The following RABGAP1L variants were observed in gnomAD, a reference collection of about 807,000 sequenced individuals.
The protein encoded by RABGAP1L is RAB GTPase activating protein 1 like.
In RABGAP1L, 63 loss-of-function variants were observed where a neutral mutation model predicts 137.7. The observed-to-expected ratio is 0.46, with a 90% CI of 0.37 to 0.56. The LOEUF is 0.56. Ranked by LOEUF, RABGAP1L falls within the 20% of genes least tolerant of loss-of-function variation. The pLI, the probability that RABGAP1L is intolerant of heterozygous loss-of-function variation, is 0.00. For synonymous variants in RABGAP1L, 431 were observed against 433.7 expected, an observed-to-expected ratio of 0.99 and a Z score of 0.08; for missense variants, 1,095 against 1,244.0, an observed-to-expected ratio of 0.88 and a Z score of 1.80.
At chr1:174,336,733 C>G (rs1681505617) in intron 11 of RABGAP1L, among the ~76,000 whole-genome samples, 2 of 152,064 alleles carry the variant, frequency 1.3e-5, no homozygotes, top group Non-Finnish European at 2.9e-5. Context: ...ATCCTCTTAT[C>G]AACTCTATAT....
intron 15 of RABGAP1L, among the ~76,000 whole-genome samples, chr1:174,685,196 C>G (rs1303070041): frequency 6.6e-6 from 1 of 152,004 alleles, no homozygotes. Flanking sequence ...GCAAATATAT[C>G]TATGGAGATT....
chr1:174,715,981 CA>C (rs1170635471), intron 17 of RABGAP1L, among the ~76,000 whole-genome samples: 1 of 152,196 alleles, frequency 6.6e-6, no homozygotes, highest in Non-Finnish European at 1.5e-5. Flanking sequence ...TGAGGATGCT[CA>C]AGTTCCCTGT....
At chr1:174,164,866 A>G (rs1664777184) in intron 1 of RABGAP1L, among the ~76,000 whole-genome samples, 1 of 152,228 alleles carries the variant, frequency 6.6e-6, no homozygotes, top group South Asian at 2.1e-4. Context: ...GAAGGAACAT[A>G]CTAAGAGCCT....
chr1:174,453,721 A>G (rs1406483200), intron 13 of RABGAP1L, among the ~76,000 whole-genome samples: 1 of 152,218 alleles, frequency 6.6e-6, no homozygotes, highest in African/African-American at 2.4e-5. Flanking sequence ...GATATTGAGG[A>G]AAACAAAATT....
rs530911023 is a variant in RABGAP1L at position 174,936,536 on chromosome 1, G to A, written c.2341-20921G>A. 1.8e-4 allele frequency among the ~76,000 whole-genome samples: 27 copies of A among 152,196 alleles called. 1 individual carries two copies. In the South Asian group the frequency reaches 5.6e-3, roughly 32 times the overall value. ...CTGAGCCTGGGAGGTCAAGGCTGCA[G>A]TGAGCCATGAGCATGTCACTGTAGC... On this transcript the variant is annotated intron_variant, in intron 19 of 25. Transcript: ENST00000681986.
intron 13 of RABGAP1L, among the ~76,000 whole-genome samples, chr1:174,505,012 A>T (rs1033531643): frequency 6.6e-6 from 1 of 152,226 alleles, no homozygotes; most frequent in African/African-American, 2.4e-5. Flanking sequence ...AATCAATTCA[A>T]TTGTAAGAAA....
At chr1:174,540,235 C>T (rs946827469) in intron 13 of RABGAP1L, among the ~76,000 whole-genome samples, 11 of 152,162 alleles carry the variant, frequency 7.2e-5, no homozygotes, top group Non-Finnish European at 1.2e-4. Flanking sequence ...TTCTCCCATT[C>T]TGTAGGTTGC....
intron 18 of RABGAP1L, among the ~76,000 whole-genome samples, chr1:174,806,327 T>A (rs932842184): frequency 6.6e-6 from 1 of 152,242 alleles, no homozygotes; most frequent in Non-Finnish European, 1.5e-5. Flanking sequence ...TGTGCAGGCA[T>A]GGTAGCTCAC....
At position 174,305,064 on chromosome 1, in the gene RABGAP1L, G is replaced by A; in HGVS notation, c.1402G>A (p.Glu468Lys). ...VSLQRESDKE[E>K]PVTPTSGGGP... ...TCTACAGCGAGAGTCTGACAAGGAG[G>A]AACCAGTCACTCCTACTAGTGGAGG... is the stretch of plus-strand genomic sequence containing the variant. The change falls in exon 11 of 26, where the codon GAA becomes AAA. Residue 468 changes from glutamate (E) to lysine (K), a missense_variant. By Grantham distance (56) the Glu-to-Lys change is moderately conservative. Around this residue, in one of 4 missense-constraint regions of RABGAP1L, gnomAD observed 315 missense variants for 324.8 expected, o/e 0.97. Coordinates refer to ENST00000681986, the MANE Select transcript of RABGAP1L (RefSeq NM_001366446.1). 6.4e-7 allele frequency: 1 copy of A among 1,560,448 alleles called. No homozygotes were observed. Among genetic ancestry groups the A allele is most frequent in the Non-Finnish European group, 8.6e-7 (1 of 1,158,736 alleles).
chr1:174,366,106 T>G (rs1425724147), intron 11 of RABGAP1L, among the ~76,000 whole-genome samples: 2 of 152,228 alleles, frequency 1.3e-5, no homozygotes, highest in Non-Finnish European at 2.9e-5. Context: ...AAAATTTAAC[T>G]TCTCAAGAAG....
intron 19 of RABGAP1L, among the ~76,000 whole-genome samples, chr1:174,913,894 A>G (rs1327023273): frequency 1.3e-5 from 2 of 152,206 alleles, no homozygotes; most frequent in East Asian, 1.9e-4. Flanking sequence ...TAAAACTTTA[A>G]TAACTTTGAG....
chr1:174,204,451 T>C (rs1668356493), intron 1 of RABGAP1L, among the ~76,000 whole-genome samples: 1 of 152,200 alleles, frequency 6.6e-6, no homozygotes, highest in African/African-American at 2.4e-5. Flanking sequence ...CTATTTTTAA[T>C]AGGAGTGGTG....
chr1:174,543,332 C>G (rs894301017), intron 13 of RABGAP1L, among the ~76,000 whole-genome samples: 3 of 145,434 alleles, frequency 2.1e-5, no homozygotes, highest in African/African-American at 8.2e-5. Context: ...TGAATTGATC[C>G]CTTCACCATT....
At chr1:174,551,021 T>TATATATATATATATATATATATATAC (rs1553330343) in intron 13 of RABGAP1L, among the ~76,000 whole-genome samples, 1 of 122,816 alleles carries the variant, frequency 8.1e-6, no homozygotes, top group African/African-American at 3.8e-5. Flanking sequence ...TATATATATA[T>TATATATATATATATATATATATATAC]ACATACACAC....
intron 15 of RABGAP1L, among the ~76,000 whole-genome samples, chr1:174,694,005 G>T (rs1372197477): frequency 6.6e-6 from 1 of 152,000 alleles, no homozygotes; most frequent in African/African-American, 2.4e-5. Context: ...TAATAACAGT[G>T]TAACAAGTAA....
At chr1:174,318,580 T>TTTTCTTTCTTTCTTTCTTTCTTTC (rs58050295) in intron 11 of RABGAP1L, among the ~76,000 whole-genome samples, 81 of 117,646 alleles carry the variant, frequency 6.9e-4, no homozygotes, top group East Asian at 2.9e-3. Flanking sequence ...TTGGTGATTG[T>TTTTCTTTCTTTCTTTCTTTCTTTC]TTTCTTTCTT....
intron 12 of RABGAP1L, among the ~76,000 whole-genome samples, chr1:174,385,201 T>C (rs1686656097): frequency 6.6e-6 from 1 of 152,122 alleles, no homozygotes; most frequent in Non-Finnish European, 1.5e-5. Context: ...GAGGGTGACA[T>C]GTGATCGGAT....
Position 174,777,353 on chromosome 1 carries a change from T to C in RABGAP1L, c.2211+24999T>C, listed in dbSNP as rs190756967. On this transcript the variant is annotated intron_variant, in intron 18 of 25. Coordinates refer to ENST00000681986, the MANE Select transcript of RABGAP1L (RefSeq NM_001366446.1). ...CTATTGGCATTTTGGGGCAGTTAATTCTTTGTTATAGGTGGCTGTCATGTG... is the reference window on the plus strand; with the variant it reads ...CTATTGGCATTTTGGGGCAGTTAATCCTTTGTTATAGGTGGCTGTCATGTG... Among the ~76,000 whole-genome samples the C allele has an allele frequency of 3.8e-4, 58 of 152,288 alleles. 1 individual carries two copies. The East Asian group carries it at 8.1e-3, about 21-fold the overall frequency.
chr1:174,782,651 C>T (rs1264124001), intron 18 of RABGAP1L, among the ~76,000 whole-genome samples: 2 of 152,128 alleles, frequency 1.3e-5, no homozygotes, highest in Non-Finnish European at 2.9e-5. Context: ...AGAGAATGGA[C>T]ATTTTGTGGG....
Sources: gnomAD v4.1 joint callset for allele counts (sites outside exome capture counted in the v4.1 genomes callset) on GRCh38, gnomAD v4.1.1 for gene constraint, gnomAD v4.1.1 regional missense constraint, MANE v1.5 for transcripts, NCBI Gene and HGNC (gene_info 2026-07-23, HGNC 2026-07-21) for gene names.